The following MARCHF1 variants were observed in gnomAD, a reference collection of about 807,000 sequenced individuals.
The protein encoded by MARCHF1 is E3 ubiquitin-protein ligase MARCHF1.
A neutral mutation model predicts 54.2 loss-of-function variants in MARCHF1; 40 were observed. That is an observed-to-expected ratio of 0.74 (90% CI 0.57 to 0.96). MARCHF1 has a LOEUF of 0.96. MARCHF1 is among the 40% of genes least tolerant of loss of function. The pLI, the probability that MARCHF1 is intolerant of heterozygous loss-of-function variation, is 0.00. For synonymous variants in MARCHF1, 236 were observed against 236.3 expected (o/e 1.00, Z 0.01); for missense variants, 586 against 656.5 (o/e 0.89, Z 1.17).
chr4:163,852,861 A>G (rs148800369), intron 4 of MARCHF1, among the ~76,000 whole-genome samples: 1,772 of 152,268 alleles, frequency 0.012, 46 homozygotes, highest in African/African-American at 0.04. Flanking sequence ...AGGTGATGGT[A>G]TTAGGAGGTG....
chr4:164,053,584 GC>G (rs1428350963), intron 2 of MARCHF1, among the ~76,000 whole-genome samples: 1 of 152,008 alleles, frequency 6.6e-6, no homozygotes, highest in Non-Finnish European at 1.5e-5. Flanking sequence ...ACCTGAATTA[GC>G]CCTATTTCAG....
intron 4 of MARCHF1, among the ~76,000 whole-genome samples, chr4:163,752,260 T>C (rs1217478927): frequency 6.6e-6 from 1 of 152,028 alleles, no homozygotes; most frequent in African/African-American, 2.4e-5. Context: ...GAAAATAATT[T>C]CATGATTCTA....
chr4:163,966,316 T>G (rs896076212), intron 3 of MARCHF1, among the ~76,000 whole-genome samples: 1 of 151,966 alleles, frequency 6.6e-6, no homozygotes, highest in East Asian at 1.9e-4. Context: ...AAAAACAGCT[T>G]TAGGGTATTA....
At chr4:164,061,821 A>G (rs904482871) in intron 2 of MARCHF1, among the ~76,000 whole-genome samples, 2 of 152,204 alleles carry the variant, frequency 1.3e-5, no homozygotes, top group African/African-American at 4.8e-5. Context: ...GTGAGTTTCA[A>G]TCTTTTTGCT....
intron 1 of MARCHF1, among the ~76,000 whole-genome samples, chr4:164,182,088 C>A (rs1474903995): frequency 6.6e-6 from 1 of 151,998 alleles, no homozygotes; most frequent in Non-Finnish European, 1.5e-5. Flanking sequence ...ATGAAATTCA[C>A]AGATAAACAT....
intron 2 of MARCHF1, among the ~76,000 whole-genome samples, chr4:164,030,825 G>T (rs1164682690): frequency 6.6e-6 from 1 of 152,122 alleles, no homozygotes; most frequent in African/African-American, 2.4e-5. Context: ...TACTGAGAAG[G>T]TGAGATTAGA....
chr4:164,170,496 A>C (rs1273485037), intron 1 of MARCHF1, among the ~76,000 whole-genome samples: 2 of 152,040 alleles, frequency 1.3e-5, no homozygotes, highest in Non-Finnish European at 1.5e-5. Context: ...TTTTACAATC[A>C]CCATGGTTGT....
chr4:164,237,741 A>T (rs191065380), intron 1 of MARCHF1, among the ~76,000 whole-genome samples: 1 of 152,100 alleles, frequency 6.6e-6, no homozygotes, highest in Admixed American at 6.6e-5. Context: ...TTTGTGTTTG[A>T]CCTAGAGAGA....
chr4:163,793,624 A>G (rs6536753), intron 4 of MARCHF1, among the ~76,000 whole-genome samples: 61,228 of 151,942 alleles, frequency 0.4, 13,424 homozygotes, highest in East Asian at 0.56. Context: ...AGAGGCAGAA[A>G]TGAAATCCAC....
intron 5 of MARCHF1, among the ~76,000 whole-genome samples, chr4:163,623,536 C>T (rs528369667): frequency 1.5e-4 from 23 of 152,198 alleles, no homozygotes; most frequent in South Asian, 4.1e-4. Context: ...CTAAATGGGA[C>T]GGCGTTAACA....
chr4:163,620,124 C>A (rs1741633887), intron 5 of MARCHF1, among the ~76,000 whole-genome samples: 1 of 151,996 alleles, frequency 6.6e-6, no homozygotes, highest in South Asian at 2.1e-4. Flanking sequence ...AGGTAGTTCA[C>A]AGAAAGGGAA....
intron 1 of MARCHF1, among the ~76,000 whole-genome samples, chr4:164,248,546 C>G (rs1008544846): frequency 1.3e-5 from 2 of 152,018 alleles, no homozygotes; most frequent in African/African-American, 4.8e-5. Flanking sequence ...GACATATTCT[C>G]AAGCAGCTTC....
intron 4 of MARCHF1, among the ~76,000 whole-genome samples, chr4:163,831,444 A>G (rs1560777053): frequency 6.6e-6 from 1 of 152,012 alleles, no homozygotes; most frequent in Non-Finnish European, 1.5e-5. Flanking sequence ...AAAATAAATT[A>G]TCTGTGCACG....
At chr4:163,692,209 C>T (rs1160281878) in intron 5 of MARCHF1, among the ~76,000 whole-genome samples, 2 of 152,196 alleles carry the variant, frequency 1.3e-5, no homozygotes, top group African/African-American at 4.8e-5. Context: ...GTGTGTCCTA[C>T]TTATCAGTCC....
intron 2 of MARCHF1, among the ~76,000 whole-genome samples, chr4:164,003,595 T>A (rs1195150340): frequency 6.6e-6 from 1 of 152,060 alleles, no homozygotes; most frequent in Non-Finnish European, 1.5e-5. Flanking sequence ...TGAGGTACCA[T>A]CTCACCAGTC....
intron 1 of MARCHF1, among the ~76,000 whole-genome samples, chr4:164,225,318 A>T (rs57494332): frequency 0.036 from 5,416 of 152,136 alleles, 231 homozygotes; most frequent in African/African-American, 0.097. Flanking sequence ...TATACAATAA[A>T]ATGGTGTATA....
intron 1 of MARCHF1, among the ~76,000 whole-genome samples, chr4:164,282,539 G>A (rs17580088): frequency 0.16 from 24,012 of 150,456 alleles, 2,960 homozygotes; most frequent in Non-Finnish European, 0.22. Context: ...CATCACCACC[G>A]TCTTGCTTCA....
In MARCHF1 at chr4:164,114,886, A is replaced by G. The variant is rs538469564; in HGVS notation, c.-322-3224T>C. Among the ~76,000 whole-genome samples the G allele has an allele frequency of 3.3e-5, 5 of 152,048 alleles. No homozygotes were observed. The East Asian group carries it at 9.6e-4, about 29-fold the overall frequency. On this transcript the variant is annotated intron_variant, in intron 1 of 9. Coordinates refer to ENST00000514618, the MANE Select transcript of MARCHF1 (RefSeq NM_001394959.1). ...CAAATCGTCACTGATGGAATGGCACATGAAATTATCTCCCACTTCCATGTC... is the reference window on the plus strand; with the variant it reads ...CAAATCGTCACTGATGGAATGGCACGTGAAATTATCTCCCACTTCCATGTC...
In MARCHF1 at chr4:163,579,160, A is replaced by T. The variant is rs560308222; in HGVS notation, c.1191+6589T>A. On this transcript the variant is annotated intron_variant, in intron 8 of 9. Transcript: ENST00000514618. The stretch of plus-strand genomic sequence containing the variant: ...AGATAAAATCCATGTGATAAATCCC[A>T]AGTTCTATTAGAATAAATCAGGAGA... Among the ~76,000 whole-genome samples the T allele has an allele frequency of 1.2e-3, 188 of 152,332 alleles. 2 individuals carry two copies. The highest frequency in any genetic ancestry group is 4.4e-3 in the African/African-American group (181 of 41,580).
Sources: allele counts gnomAD v4.1 joint callset (sites outside exome capture counted in the v4.1 genomes callset), GRCh38; gene constraint gnomAD v4.1.1; transcripts MANE v1.5; gene names NCBI Gene and HGNC (gene_info 2026-07-23, HGNC 2026-07-21).